Variants in DNHD1 observed in about 807,000 individuals in gnomAD.
The protein encoded by DNHD1 is dynein heavy chain domain 1, also known as dynein heavy chain domain-containing protein 1.
Under a neutral mutation model 458.1 loss-of-function variants are expected in DNHD1, and 383 were observed. The observed-to-expected ratio is 0.84, with a 90% CI of 0.77 to 0.91. DNHD1 has a LOEUF of 0.91. DNHD1 is among the 40% of genes least tolerant of loss of function. DNHD1 has a pLI of 0.00. For missense variants in DNHD1, 5,336 were observed against 5,866.1 expected, an observed-to-expected ratio of 0.91 and a Z score of 2.95; for synonymous variants, 2,203 against 2,376.9, an observed-to-expected ratio of 0.93 and a Z score of 2.13.
Position 6,545,490 on chromosome 11 carries a change from G to A in DNHD1, c.4551G>A (p.Val1517=). 3 of 1,551,724 alleles carry A rather than the reference G, an allele frequency of 1.9e-6. No individual in the cohort carries two copies. Among genetic ancestry groups the A allele is most frequent in the Non-Finnish European group, 1.7e-6 (2 of 1,147,006 alleles). Residue 1517 remains valine, a synonymous_variant, in exon 21 of 43, where the codon GTG becomes GTA. Transcript: ENST00000254579. This position sits in a 1 kb window ranked among gnomAD's most constrained non-coding sequence, Gnocchi z 4.9. ...PWQCVLVAEE[V]VWRAEMEEAL... ...AGTGTGTGCTGGTGGCAGAGGAGGTGGTATGGCGGGCCGAGATGGAGGAGG... is the reference window on the plus strand; with the variant it reads ...AGTGTGTGCTGGTGGCAGAGGAGGTAGTATGGCGGGCCGAGATGGAGGAGG...
At chr11:6,550,134 A>T (rs888746409) in intron 24 of DNHD1, among the ~76,000 whole-genome samples, 1 of 152,248 alleles carries the variant, frequency 6.6e-6, no homozygotes, top group East Asian at 1.9e-4. Flanking sequence ...TGATATGTCT[A>T]TGTCATCTTC....
At chr11:6,537,617 A>G (rs1176282935) in intron 14 of DNHD1, among the ~76,000 whole-genome samples, 1 of 152,076 alleles carries the variant, frequency 6.6e-6, no homozygotes, top group East Asian at 1.9e-4. Flanking sequence ...TTAACCAGAT[A>G]GCCTGCATAG....
At chr11:6,515,639 G>C (rs1228736656) in intron 7 of DNHD1, among the ~76,000 whole-genome samples, 1 of 151,178 alleles carries the variant, frequency 6.6e-6, no homozygotes, top group Non-Finnish European at 1.5e-5. Flanking sequence ...AGAGGCTCTT[G>C]TTTCCCTGAA....
intron 4 of DNHD1, among the ~76,000 whole-genome samples, chr11:6,504,428 C>A (rs1325529017): frequency 6.6e-6 from 1 of 152,182 alleles, no homozygotes; most frequent in Non-Finnish European, 1.5e-5. Flanking sequence ...CAGCAATGGT[C>A]TTTCACCCTG....
At position 6,528,473 on chromosome 11, in the gene DNHD1, G is replaced by T. The variant is rs760479487; in HGVS notation, c.1838-49G>T. The T allele has an allele frequency of 1.3e-5, 19 of 1,508,556 alleles. No individual in the cohort carries two copies. In the South Asian group the frequency reaches 2.5e-4, roughly 20 times the overall value. 93.4% of individuals were successfully genotyped at this position (1,508,556 alleles called of 1,614,324 possible). ...GGGCAAGGAGAAAGGAAGATTGTTTGTGGGCTCTGGAGGGTACTCACGGAC... is the reference window on the plus strand; with the variant it reads ...GGGCAAGGAGAAAGGAAGATTGTTTTTGGGCTCTGGAGGGTACTCACGGAC... On this transcript the variant is annotated intron_variant, in intron 10 of 42. Coordinates refer to ENST00000254579, the MANE Select transcript of DNHD1 (RefSeq NM_144666.3).
intron 7 of DNHD1, among the ~76,000 whole-genome samples, chr11:6,513,098 T>G (rs1852380143): frequency 6.6e-6 from 1 of 152,152 alleles, no homozygotes; most frequent in South Asian, 2.1e-4. Flanking sequence ...CCAAGCTGAA[T>G]GAGGCAGGAG....
intron 10 of DNHD1, among the ~76,000 whole-genome samples, chr11:6,524,332 C>G (rs372328801): frequency 6.6e-6 from 1 of 152,216 alleles, no homozygotes. Context: ...GAACCCCTGT[C>G]TCTCAAATTT....
At position 6,571,439 on chromosome 11, in the gene DNHD1, C is replaced by T. The variant is rs776457720; in HGVS notation, c.13911+16C>T. On this transcript the variant is annotated intron_variant, in intron 42 of 42. Transcript: ENST00000254579. This position sits in a 1 kb window ranked among gnomAD's most constrained non-coding sequence, Gnocchi z 5.0. ...GCACTTCAGGGTATCTTCGCGCCGCCCCTCGTTCGCGGTTCCAGTCCCCTC... is the reference window on the plus strand; with the variant it reads ...GCACTTCAGGGTATCTTCGCGCCGCTCCTCGTTCGCGGTTCCAGTCCCCTC... 2 of 1,559,854 alleles carry T rather than the reference C, an allele frequency of 1.3e-6. No individual in the cohort carries two copies. Among genetic ancestry groups the T allele is most frequent in the South Asian group, 2.4e-5 (2 of 83,888 alleles).
intron 25 of DNHD1, 38 bp downstream of exon 25, chr11:6,558,335 C>G (rs528207376): frequency 6.5e-7 from 1 of 1,539,238 alleles, no homozygotes; most frequent in African/African-American, 1.4e-5. Context: ...CTGCTCTGCT[C>G]TTACGCTGTC....
intron 4 of DNHD1, chr11:6,504,049 C>T (rs912188471): frequency 6.6e-6 from 1 of 152,130 alleles, no homozygotes; most frequent in Admixed American, 6.5e-5. Flanking sequence ...TATCTTAATC[C>T]AAAAGTTCAT....
chr11:6,571,616 C>G lies in DNHD1; in HGVS notation c.13912-20C>G, dbSNP rs1232344361. The G allele has an allele frequency of 2.6e-6, 4 of 1,535,028 alleles. No homozygotes were observed. Among genetic ancestry groups the G allele is most frequent in the Non-Finnish European group, 3.5e-6 (4 of 1,137,360 alleles). ...CTCCCAGCTTCCTAGCCTTGCCTGA[C>G]CAGCTTCTGACGCCCCCAGGTGGAG... On this transcript the variant is annotated intron_variant, in intron 42 of 42. Transcript: ENST00000254579. This position sits in a 1 kb window ranked among gnomAD's most constrained non-coding sequence, Gnocchi z 5.0.
chr11:6,539,151 G>A lies in DNHD1; in HGVS notation c.3326-68G>A, dbSNP rs137915363. The A allele has an allele frequency of 6.3e-6, 7 of 1,110,964 alleles. No homozygotes were observed. The East Asian group carries it at 1.8e-4, about 29-fold the overall frequency. The allele number at this position is 1,110,964 out of a possible 1,614,324, so 68.8% of individuals were successfully genotyped here. A position where few individuals can be genotyped will look rare whatever the true frequency, so the allele number is the denominator to read the frequency against. ...TGGGCTGGGCTGGGCTGGGCTCTGGGATATGGGATATGGGTTGGACTCTGC... is the reference window on the plus strand; with the variant it reads ...TGGGCTGGGCTGGGCTGGGCTCTGGAATATGGGATATGGGTTGGACTCTGC... On this transcript the variant is annotated intron_variant, in intron 16 of 42. Transcript: ENST00000254579.
At chr11:6,568,641 C>G (rs1458552354) in intron 38 of DNHD1, 24 bp from the exon 39 acceptor site, 4 of 1,613,890 alleles carry the variant, frequency 2.5e-6, no homozygotes, top group Non-Finnish European at 8.5e-7. Flanking sequence ...GCTGTGCTGA[C>G]TCAGCACTCT....
At chr11:6,528,401 A>ATGGG in intron 10 of DNHD1, 121 bp from the exon 11 acceptor site, 11 of 791,750 alleles carry the variant, frequency 1.4e-5, no homozygotes, top group East Asian at 3.8e-5. Flanking sequence ...TGAGCAGCGA[A>ATGGG]TGGGTGTGTG....
intron 18 of DNHD1, among the ~76,000 whole-genome samples, chr11:6,543,598 T>G (rs568728539): frequency 2.6e-5 from 4 of 152,304 alleles, no homozygotes; most frequent in African/African-American, 7.2e-5. Context: ...AGGAGGAGCT[T>G]CTTCTCTCAC....
At position 6,540,075 on chromosome 11, in the gene DNHD1, T is replaced by C. The variant is rs534251250; in HGVS notation, c.3620T>C (p.Ile1207Thr). ...GTGGACAAAGATAGTGGCACCTTCA[T>C]CCTCTCAGGTGAGACCCAGACCTTG... ...EVVDKDSGTF[I>T]LSDYSNLQDS... is the part of the protein sequence containing the mutation. Residue 1207 changes from isoleucine (I) to threonine (T), a missense_variant, in exon 18 of 43, where the codon ATC (isoleucine) becomes ACC (threonine). Coordinates refer to ENST00000254579, the MANE Select transcript of DNHD1 (RefSeq NM_144666.3). The C allele has an allele frequency of 4.9e-5, 76 of 1,551,630 alleles. 1 individual carries two copies. The South Asian group carries it at 8.6e-4, about 17-fold the overall frequency.
chr11:6,530,028 G>A (rs1175132783), intron 12 of DNHD1, among the ~76,000 whole-genome samples: 1 of 152,146 alleles, frequency 6.6e-6, no homozygotes, highest in African/African-American at 2.4e-5. Flanking sequence ...TCAATTCTCT[G>A]CTATCATCTA....
intron 4 of DNHD1, chr11:6,504,289 C>G (rs1390634811): frequency 6.6e-6 from 1 of 152,232 alleles, no homozygotes; most frequent in Admixed American, 6.5e-5. Context: ...ATTCTGCAAA[C>G]TTTTTCTCTT....
rs768764587 is a variant in DNHD1, at chr11:6,548,798, A to C, written c.7252A>C (p.Ser2418Arg). The stretch of plus-strand genomic sequence containing the variant: ...ATACAGCCCCATCCACCCTGCCTTC[A>C]GTTCCTCCCACCTCCGTCTCCTGCT... ...YIYSPIHPAF[S>R]SSHLRLLLSR... The change falls in exon 24 of 43, where the codon AGT (serine) becomes CGT (arginine). Residue 2418 changes from serine to arginine, a missense_variant. Coordinates refer to ENST00000254579, the MANE Select transcript of DNHD1 (RefSeq NM_144666.3). The surrounding 1 kb of genome is among the most constrained non-coding windows in gnomAD (Gnocchi z 4.4). The C allele has an allele frequency of 6.4e-7, 1 of 1,551,648 alleles. No individual in the cohort carries two copies. The highest frequency in any genetic ancestry group is 8.7e-7 in the Non-Finnish European group (1 of 1,146,982).
Sources: gnomAD v4.1 joint callset for allele counts (sites outside exome capture counted in the v4.1 genomes callset) on GRCh38, gnomAD v4.1.1 for gene constraint, Gnocchi (gnomAD v3.1) non-coding constraint, MANE v1.5 for transcripts, NCBI Gene and HGNC (gene_info 2026-07-23, HGNC 2026-07-21) for gene names.